Variants in GOLGA7 observed in about 807,000 individuals in gnomAD.
GOLGA7 encodes golgin subfamily A member 7.
A neutral mutation model predicts 21.1 loss-of-function variants in GOLGA7; 10 were observed. That is an observed-to-expected ratio of 0.47 (90% CI 0.29 to 0.80). The LOEUF is 0.80. GOLGA7 is among the 30% of genes least tolerant of loss of function. The pLI, the probability that GOLGA7 is intolerant of heterozygous loss-of-function variation, is 0.08. For synonymous variants in GOLGA7, 64 were observed against 62.6 expected, an observed-to-expected ratio of 1.02 and a Z score of -0.10; for missense variants, 114 against 166.8, an observed-to-expected ratio of 0.68 and a Z score of 1.74.
intron 2 of GOLGA7, among the ~76,000 whole-genome samples, chr8:41,505,497 A>G (rs1806262198): frequency 6.6e-6 from 1 of 152,238 alleles, no homozygotes; most frequent in South Asian, 2.1e-4. Context: ...GTAAAAGGCA[A>G]GGCCAAGAAC....
At chr8:41,505,680 C>A (rs1490814156) in intron 2 of GOLGA7, 2 of 392,400 alleles carry the variant, frequency 5.1e-6, no homozygotes, top group African/African-American at 4.2e-5. Flanking sequence ...TATGCTTTTG[C>A]ATTTATTTAC....
intron 1 of GOLGA7, among the ~76,000 whole-genome samples, chr8:41,491,328 T>C (rs559928852): frequency 6.6e-6 from 1 of 152,212 alleles, no homozygotes; most frequent in African/African-American, 2.4e-5. Context: ...AGTCACCAGG[T>C]TGTAAACTAT....
At chr8:41,505,144 TA>T (rs1384328233) in intron 2 of GOLGA7, among the ~76,000 whole-genome samples, 1 of 152,218 alleles carries the variant, frequency 6.6e-6, no homozygotes, top group African/African-American at 2.4e-5. Context: ...TTGCCTTTAT[TA>T]AAGCTGGAGA....
intron 1 of GOLGA7, among the ~76,000 whole-genome samples, chr8:41,495,135 A>C (rs905001027): frequency 7.1e-6 from 1 of 141,416 alleles, no homozygotes; most frequent in Non-Finnish European, 1.5e-5. Flanking sequence ...TCCTGGGACC[A>C]GAGGTTACAG....
At chr8:41,495,966 A>C (rs963946154) in intron 1 of GOLGA7, among the ~76,000 whole-genome samples, 1 of 152,342 alleles carries the variant, frequency 6.6e-6, no homozygotes, top group African/African-American at 2.4e-5. Flanking sequence ...GTTCTTTCTT[A>C]TGTGAAATAT....
chr8:41,506,584 T>TA (rs1238739977), intron 3 of GOLGA7, among the ~76,000 whole-genome samples: 4 of 152,140 alleles, frequency 2.6e-5, no homozygotes, highest in African/African-American at 7.2e-5. Context: ...TAAATTTTTT[T>TA]AAAAACCTAG....
In GOLGA7 at chr8:41,490,695, A is replaced by G. The variant is rs1263860967; in HGVS notation, c.-160A>G. The G allele has an allele frequency of 5.2e-6, 3 of 577,450 alleles. No individual in the cohort carries two copies. The highest frequency in any genetic ancestry group is 9.2e-6 in the Non-Finnish European group (3 of 324,782). 35.8% of individuals were successfully genotyped at this position (577,450 alleles called of 1,614,324 possible). A position where few individuals can be genotyped will look rare whatever the true frequency, so the allele number is the denominator to read the frequency against. On this transcript the variant is annotated 5_prime_UTR_variant, in exon 1 of 5. Transcript: ENST00000357743. Reference sequence around the variant, plus strand: ...GGCGGCAGCTAAGGCCCGCGGTGACAGCATGGGTGAAGGGGAGCGGGGCAG... The same window carrying G: ...GGCGGCAGCTAAGGCCCGCGGTGACGGCATGGGTGAAGGGGAGCGGGGCAG...
intron 2 of GOLGA7, among the ~76,000 whole-genome samples, chr8:41,500,185 A>G (rs1806116920): frequency 6.6e-6 from 1 of 152,234 alleles, no homozygotes. Flanking sequence ...TGATAATAAC[A>G]AGGAAACAAA....
At position 41,510,116 on chromosome 8, in the gene GOLGA7, A is replaced by G. The variant is rs1806385764; in HGVS notation, c.*548A>G. 6.6e-6 allele frequency: 1 copy of G among 152,546 alleles called. No homozygotes were observed. 9.4% of individuals were successfully genotyped at this position (152,546 alleles called of 1,614,324 possible). The stretch of plus-strand genomic sequence containing the variant: ...GTTTTACCATGACTCAAATCTTAAG[A>G]TCTGTTTCTACTATTCAGTTCCTCA... On this transcript the variant is annotated 3_prime_UTR_variant, in exon 5 of 5. Coordinates refer to ENST00000357743, the MANE Select transcript of GOLGA7 (RefSeq NM_001002296.2).
chr8:41,508,860 C>G (rs1251913915), intron 4 of GOLGA7, among the ~76,000 whole-genome samples: 1 of 152,134 alleles, frequency 6.6e-6, no homozygotes, highest in Non-Finnish European at 1.5e-5. Flanking sequence ...GGAGGAAACT[C>G]TAAGCATAAT....
In GOLGA7 at chr8:41,499,497, G is replaced by A. The variant is rs1436041755; in HGVS notation, c.264+1836G>A. Among the ~76,000 whole-genome samples the A allele has an allele frequency of 3.9e-5, 6 of 152,288 alleles. No individual in the cohort carries two copies. The East Asian group carries it at 7.7e-4, about 20-fold the overall frequency. ...TAGCTCTCAGCAGATGGGGGAGCCA[G>A]AAGGGAGATAGTTTTCCCCTGGAGT... On this transcript the variant is annotated intron_variant, in intron 2 of 4. Transcript: ENST00000357743.
chr8:41,505,479 T>C (rs1056554639), intron 2 of GOLGA7, among the ~76,000 whole-genome samples: 18 of 152,372 alleles, frequency 1.2e-4, no homozygotes, highest in Admixed American at 7.2e-4. Flanking sequence ...AGCAGTCCTT[T>C]AAGTTTTGTA....
chr8:41,509,491 G>A (rs1806368126), intron 4 of GOLGA7, 93 bp from the exon 5 acceptor site: 1 of 152,490 alleles, frequency 6.6e-6, no homozygotes, highest in Non-Finnish European at 1.5e-5. Flanking sequence ...TAGACCACAT[G>A]TTATAAGCTG....
chr8:41,509,228 C>T (rs549337449), intron 4 of GOLGA7, among the ~76,000 whole-genome samples: 2 of 152,222 alleles, frequency 1.3e-5, no homozygotes, highest in Non-Finnish European at 2.9e-5. Flanking sequence ...TTAATCATCA[C>T]AACAACCCTA....
At chr8:41,504,580 A>G (rs1806236650) in intron 2 of GOLGA7, among the ~76,000 whole-genome samples, 1 of 152,236 alleles carries the variant, frequency 6.6e-6, no homozygotes, top group South Asian at 2.1e-4. Context: ...AGGTAATTAG[A>G]TGAAAAAAAC....
Position 41,503,206 on chromosome 8 carries a change from T to TAAAA in GOLGA7, c.265-2695_265-2692dup, listed in dbSNP as rs35017365. On this transcript the variant is annotated intron_variant, in intron 2 of 4. Transcript: ENST00000357743. ...TGCATATCAATGTTACTAAAGTTTA[T>TAAAA]AAAAAAAAAAAAAGTGTCTGTTCAT... 3.4e-3 allele frequency among the ~76,000 whole-genome samples: 501 copies of TAAAA among 148,542 alleles called. 4 individuals carry two copies. The highest frequency in any genetic ancestry group is 0.01 in the African/African-American group (418 of 40,444).
chr8:41,505,852 A>G lies in GOLGA7; in HGVS notation c.265-59A>G, dbSNP rs1806272637. The G allele has an allele frequency of 9.1e-6, 8 of 874,398 alleles. No homozygotes were observed. In the South Asian group the frequency reaches 1.1e-4, roughly 12 times the overall value. 54.2% of individuals were successfully genotyped at this position (874,398 alleles called of 1,614,324 possible). A position where few individuals can be genotyped will look rare whatever the true frequency, so the allele number is the denominator to read the frequency against. ...CCACTGCCTATTTTGAGATCTCACT[A>G]ACACTTAAAGGGAAATCTGATGAAG... On this transcript the variant is annotated intron_variant, in intron 2 of 4. Coordinates refer to ENST00000357743, the MANE Select transcript of GOLGA7 (RefSeq NM_001002296.2).
chr8:41,498,432 T>G (rs1806072854), intron 2 of GOLGA7, among the ~76,000 whole-genome samples: 1 of 152,202 alleles, frequency 6.6e-6, no homozygotes, highest in African/African-American at 2.4e-5. Flanking sequence ...CTGCTCAAGT[T>G]GACCTCAGCT....
intron 2 of GOLGA7, among the ~76,000 whole-genome samples, chr8:41,503,775 T>C (rs1806207645): frequency 7.3e-6 from 1 of 136,686 alleles, no homozygotes; most frequent in Non-Finnish European, 1.6e-5. Context: ...GATCTATATC[T>C]CTGTTTTGGT....
Sources: allele counts gnomAD v4.1 joint callset (sites outside exome capture counted in the v4.1 genomes callset), GRCh38; gene constraint gnomAD v4.1.1; transcripts MANE v1.5; gene names NCBI Gene and HGNC (gene_info 2026-07-23, HGNC 2026-07-21).